The following PCDH9 variants were observed in gnomAD, a reference collection of about 807,000 sequenced individuals.
PCDH9 encodes the protein protocadherin-9.
Under a neutral mutation model 70.6 loss-of-function variants are expected in PCDH9, and 24 were observed. The observed-to-expected ratio is 0.34, with a 90% CI of 0.25 to 0.48. PCDH9 has a LOEUF of 0.48. Among genes scored for constraint, PCDH9 ranks in the 20% least tolerant of loss-of-function variants. The pLI is 0.99. For missense variants in PCDH9, 1,281 were observed against 1,503.6 expected (o/e 0.85, Z 2.45); for synonymous variants, 562 against 558.5 (o/e 1.01, Z -0.09).
At chr13:66,342,287 T>A (rs1013263656) in intron 4 of PCDH9, among the ~76,000 whole-genome samples, 1 of 152,218 alleles carries the variant, frequency 6.6e-6, no homozygotes, top group Admixed American at 6.5e-5. Flanking sequence ...CTATTTCATT[T>A]TTAAACATAC....
intron 4 of PCDH9, among the ~76,000 whole-genome samples, chr13:66,424,180 CACAA>C (rs1396258998): frequency 6.6e-6 from 1 of 151,980 alleles, no homozygotes; most frequent in African/African-American, 2.4e-5. Flanking sequence ...TAAGAGAGGA[CACAA>C]ACAAATGGAA....
chr13:67,161,790 T>A (rs2087968758), intron 2 of PCDH9, among the ~76,000 whole-genome samples: 1 of 152,156 alleles, frequency 6.6e-6, no homozygotes, highest in Non-Finnish European at 1.5e-5. Flanking sequence ...GGAGACTATT[T>A]CCTCTTACAA....
At chr13:66,404,850 G>A (rs759794158) in intron 4 of PCDH9, among the ~76,000 whole-genome samples, 4 of 151,930 alleles carry the variant, frequency 2.6e-5, no homozygotes, top group South Asian at 2.1e-4. Flanking sequence ...CTTCACTTAT[G>A]TGTTTTGTGT....
intron 2 of PCDH9, among the ~76,000 whole-genome samples, chr13:67,109,026 C>G (rs760236652): frequency 7.2e-5 from 11 of 152,174 alleles, no homozygotes; most frequent in Non-Finnish European, 1.3e-4. Flanking sequence ...GTATTCTCAA[C>G]ACAGTATCTG....
chr13:66,716,185 C>T (rs980471158), intron 3 of PCDH9, among the ~76,000 whole-genome samples: 5 of 152,082 alleles, frequency 3.3e-5, no homozygotes, highest in African/African-American at 1.2e-4. Context: ...TTTGAAAAAG[C>T]ATTTGTTTTT....
At position 66,924,362 on chromosome 13, in the gene PCDH9, G is replaced by A. The variant is rs577677540; in HGVS notation, c.3037-20757C>T. On this transcript the variant is annotated intron_variant, in intron 2 of 4. Coordinates refer to ENST00000377865, the MANE Select transcript of PCDH9 (RefSeq NM_203487.3). ...TATTTTAAAGTATTCTTCCTACCAC[G>A]TTATTGTTTTCAAACACATTGCAGA... is the stretch of plus-strand genomic sequence containing the variant. 1.8e-3 allele frequency among the ~76,000 whole-genome samples: 275 copies of A among 151,604 alleles called. 2 individuals are homozygous for A. The highest frequency in any genetic ancestry group is 6.3e-3 in the African/African-American group (260 of 41,414).
chr13:66,383,214 G>C (rs1449986397), intron 4 of PCDH9, among the ~76,000 whole-genome samples: 1 of 152,160 alleles, frequency 6.6e-6, no homozygotes, highest in East Asian at 1.9e-4. Flanking sequence ...GAGATGCAAT[G>C]AGCACAAAAA....
intron 4 of PCDH9, among the ~76,000 whole-genome samples, chr13:66,580,687 A>G (rs1271858142): frequency 6.6e-6 from 1 of 151,982 alleles, no homozygotes; most frequent in Non-Finnish European, 1.5e-5. Flanking sequence ...CTTAGCATTT[A>G]ACAATATTAG....
chr13:67,211,409 C>A (rs1278080616), intron 2 of PCDH9: 36 of 151,950 alleles, frequency 2.4e-4, no homozygotes, highest in Non-Finnish European at 2.9e-5. Context: ...GATTTATCTC[C>A]TAAAATATGT....
chr13:66,738,077 T>C (rs918755975), intron 3 of PCDH9, among the ~76,000 whole-genome samples: 26 of 152,112 alleles, frequency 1.7e-4, no homozygotes, highest in African/African-American at 6.3e-4. Context: ...CAGTAACCTC[T>C]GCAGACTTAA....
At chr13:66,713,679 T>C (rs1263453400) in intron 3 of PCDH9, among the ~76,000 whole-genome samples, 1 of 139,310 alleles carries the variant, frequency 7.2e-6, no homozygotes, top group African/African-American at 2.7e-5. Context: ...CAGTTGACTC[T>C]TGAACAACAC....
At chr13:66,725,370 A>C (rs2078993012) in intron 3 of PCDH9, among the ~76,000 whole-genome samples, 1 of 152,200 alleles carries the variant, frequency 6.6e-6, no homozygotes, top group African/African-American at 2.4e-5. Context: ...GTTGCCTATC[A>C]AGACCACAGC....
At chr13:66,442,246 T>A (rs931168380) in intron 4 of PCDH9, among the ~76,000 whole-genome samples, 3 of 152,116 alleles carry the variant, frequency 2.0e-5, no homozygotes, top group African/African-American at 4.8e-5. Flanking sequence ...AGTTTAGAGA[T>A]CACTATAGAA....
At chr13:66,503,847 G>A (rs1204763083) in intron 4 of PCDH9, among the ~76,000 whole-genome samples, 1 of 151,902 alleles carries the variant, frequency 6.6e-6, no homozygotes, top group East Asian at 1.9e-4. Context: ...ATCATTATTT[G>A]GGCCCCTGTT....
chr13:66,931,222 T>C (rs1361157724), intron 2 of PCDH9, among the ~76,000 whole-genome samples: 1 of 152,152 alleles, frequency 6.6e-6, no homozygotes, highest in Non-Finnish European at 1.5e-5. Flanking sequence ...ATGAGTTCAA[T>C]TCCATTTATA....
chr13:66,992,790 A>G (rs1566347736), intron 2 of PCDH9, among the ~76,000 whole-genome samples: 1 of 152,148 alleles, frequency 6.6e-6, no homozygotes, highest in African/African-American at 2.4e-5. Flanking sequence ...GAATTTCCTC[A>G]TTAAGGATCT....
At chr13:66,745,671 C>T (rs1032830952) in intron 3 of PCDH9, among the ~76,000 whole-genome samples, 1 of 152,074 alleles carries the variant, frequency 6.6e-6, no homozygotes, top group Admixed American at 6.5e-5. Context: ...AGAGCATGCT[C>T]ATCTTAAATT....
chr13:67,096,304 G>GA (rs1430487427), intron 2 of PCDH9, among the ~76,000 whole-genome samples: 4 of 152,034 alleles, frequency 2.6e-5, no homozygotes, highest in Non-Finnish European at 5.9e-5. Flanking sequence ...CCAAAGCCAC[G>GA]AACCGTAAAA....
At chr13:66,861,395 CAG>C (rs1230607023) in intron 3 of PCDH9, among the ~76,000 whole-genome samples, 2 of 152,142 alleles carry the variant, frequency 1.3e-5, no homozygotes, top group Non-Finnish European at 2.9e-5. Context: ...CATCAGAAAA[CAG>C]AGAAATATTT....
Sources: gnomAD v4.1 joint callset for allele counts (sites outside exome capture counted in the v4.1 genomes callset) on GRCh38, gnomAD v4.1.1 for gene constraint, MANE v1.5 for transcripts, NCBI Gene and HGNC (gene_info 2026-07-23, HGNC 2026-07-21) for gene names.